The following STARD13 variants were observed in gnomAD, a reference collection of about 807,000 sequenced individuals.
STARD13 encodes the protein StAR related lipid transfer domain containing 13.
STARD13 carries 62 observed loss-of-function variants against 106.4 expected under a neutral mutation model. The observed-to-expected ratio is 0.58, with a 90% CI of 0.48 to 0.72. The LOEUF is 0.72. Ranked by LOEUF, STARD13 falls within the 30% of genes least tolerant of loss-of-function variation. The pLI, the probability that STARD13 is intolerant of heterozygous loss-of-function variation, is 0.00. For missense variants in STARD13, 1,387 were observed against 1,424.0 expected (o/e 0.97, Z 0.42); for synonymous variants, 565 against 553.0 (o/e 1.02, Z -0.31).
At chr13:33,439,140 A>G in the STARD13 span, among the ~76,000 whole-genome samples, 4 of 152,238 alleles carry the variant, frequency 2.6e-5, no homozygotes, top group Admixed American at 1.3e-4. Flanking sequence ...TGAAAAGTAC[A>G]ACAACAGCTG....
chr13:33,520,366 G>A, the STARD13 span, among the ~76,000 whole-genome samples: 1 of 152,088 alleles, frequency 6.6e-6, no homozygotes, highest in East Asian at 1.9e-4. Context: ...TGAGACAGAT[G>A]CTGTTTTACA....
chr13:33,414,918 A>G, the STARD13 span, among the ~76,000 whole-genome samples: 1 of 152,182 alleles, frequency 6.6e-6, no homozygotes, highest in Admixed American at 6.5e-5. Context: ...AAAGCAGCCA[A>G]CCTCTAGATA....
At chr13:33,316,887 C>A (rs1893362344) in intron 1 of STARD13, among the ~76,000 whole-genome samples, 2 of 152,160 alleles carry the variant, frequency 1.3e-5, no homozygotes, top group African/African-American at 4.8e-5. Flanking sequence ...TCTGTCTTGA[C>A]AAACTCATGA....
At chr13:33,544,770 CTTTT>C in the STARD13 span, among the ~76,000 whole-genome samples, 4 of 108,704 alleles carry the variant, frequency 3.7e-5, no homozygotes, top group Admixed American at 9.7e-5. Context: ...TGTTTTTTCT[CTTTT>C]TTTTTTTTTT....
At chr13:33,407,696 C>A in the STARD13 span, among the ~76,000 whole-genome samples, 1 of 152,154 alleles carries the variant, frequency 6.6e-6, no homozygotes, top group Non-Finnish European at 1.5e-5. Context: ...GTTATTTTCT[C>A]CATTCATGCT....
At chr13:33,552,335 A>AT in the STARD13 span, among the ~76,000 whole-genome samples, 2 of 152,222 alleles carry the variant, frequency 1.3e-5, no homozygotes, top group Admixed American at 6.5e-5. Flanking sequence ...CAGAATAGAC[A>AT]TTCCTCACAA....
the STARD13 span, among the ~76,000 whole-genome samples, chr13:33,518,065 G>A: frequency 2.0e-5 from 3 of 152,092 alleles, no homozygotes; most frequent in African/African-American, 7.2e-5. Flanking sequence ...GAATCAGTGA[G>A]ACTAGAAGTT....
chr13:33,458,534 A>G, the STARD13 span, among the ~76,000 whole-genome samples: 1 of 152,178 alleles, frequency 6.6e-6, no homozygotes, highest in East Asian at 1.9e-4. Flanking sequence ...TAGTCTCACT[A>G]GGTGCTTCTT....
the STARD13 span, among the ~76,000 whole-genome samples, chr13:33,500,008 C>G: frequency 6.6e-6 from 1 of 151,980 alleles, no homozygotes; most frequent in South Asian, 2.1e-4. Context: ...CCCACCTTGG[C>G]CTCCCAAACT....
chr13:33,121,144 C>T (rs992488633), intron 7 of STARD13, among the ~76,000 whole-genome samples: 2 of 152,198 alleles, frequency 1.3e-5, no homozygotes, highest in Admixed American at 6.5e-5. Context: ...AGCCACTGGG[C>T]ACAGTGAGTA....
chr13:33,351,434 T>G (rs1478618618), upstream of STARD13, among the ~76,000 whole-genome samples: 1 of 152,212 alleles, frequency 6.6e-6, no homozygotes, highest in East Asian at 1.9e-4. Context: ...ATTGGCTCTT[T>G]AAGAAATACA....
At chr13:33,522,332 C>T in the STARD13 span, among the ~76,000 whole-genome samples, 28 of 152,026 alleles carry the variant, frequency 1.8e-4, no homozygotes, top group African/African-American at 5.6e-4. Context: ...GCCCACTGTA[C>T]CCTGGAGTGG....
At chr13:33,668,092 C>T in the STARD13 span, among the ~76,000 whole-genome samples, 3 of 152,174 alleles carry the variant, frequency 2.0e-5, no homozygotes, top group South Asian at 4.1e-4. Flanking sequence ...CATGTGGCTG[C>T]GCTGGAGTCT....
the STARD13 span, among the ~76,000 whole-genome samples, chr13:33,442,462 G>T: frequency 6.6e-6 from 1 of 152,122 alleles, no homozygotes; most frequent in Non-Finnish European, 1.5e-5. Context: ...GAGAATATTT[G>T]ACAAAAGTAT....
the STARD13 span, among the ~76,000 whole-genome samples, chr13:33,628,615 T>C: frequency 6.6e-6 from 1 of 152,112 alleles, no homozygotes; most frequent in African/African-American, 2.4e-5. Flanking sequence ...AGGACTGAAG[T>C]AGGAAGGCTA....
At chr13:33,290,863 T>C (rs1242964398) in intron 1 of STARD13, among the ~76,000 whole-genome samples, 1 of 152,230 alleles carries the variant, frequency 6.6e-6, no homozygotes, top group Non-Finnish European at 1.5e-5. Context: ...GTGATTCCCT[T>C]CTCTTCCACC....
the STARD13 span, among the ~76,000 whole-genome samples, chr13:33,540,439 G>A: frequency 6.6e-6 from 1 of 152,204 alleles, no homozygotes; most frequent in Non-Finnish European, 1.5e-5. Context: ...GTTGATAACT[G>A]TGATAGTGGA....
the STARD13 span, among the ~76,000 whole-genome samples, chr13:33,396,440 C>T: frequency 6.6e-6 from 1 of 152,214 alleles, no homozygotes; most frequent in Non-Finnish European, 1.5e-5. Flanking sequence ...AGTGACTCTT[C>T]ATTCACCTTA....
intron 1 of STARD13, among the ~76,000 whole-genome samples, chr13:33,293,481 T>C (rs981993137): frequency 6.6e-6 from 1 of 152,166 alleles, no homozygotes; most frequent in African/African-American, 2.4e-5. Flanking sequence ...ACAACTTGGA[T>C]TGAACAAGGA....
Sources: gnomAD v4.1 joint callset for allele counts (sites outside exome capture counted in the v4.1 genomes callset) on GRCh38, gnomAD v4.1.1 for gene constraint, MANE v1.5 for transcripts, NCBI Gene and HGNC (gene_info 2026-07-23, HGNC 2026-07-21) for gene names.